Variants in NELL1 observed in about 807,000 individuals in gnomAD.
The protein encoded by NELL1 is protein kinase C-binding protein NELL1.
In NELL1, 76 loss-of-function variants were observed where a neutral mutation model predicts 107.4. The ratio of observed to expected loss-of-function variants is 0.71; its 90% CI spans 0.59 to 0.86. The LOEUF (loss-of-function observed/expected upper bound fraction) is 0.86. NELL1 is among the 40% of genes least tolerant of loss of function. NELL1 has a pLI of 0.00. For missense variants in NELL1, 1,024 were observed against 1,005.5 expected (o/e 1.02, Z -0.25); for synonymous variants, 353 against 341.2 (o/e 1.03, Z -0.38).
At chr11:20,814,376 G>C (rs117204204) in intron 3 of NELL1, among the ~76,000 whole-genome samples, 1 of 152,192 alleles carries the variant, frequency 6.6e-6, no homozygotes, top group Admixed American at 6.5e-5. Flanking sequence ...CTGAGGTTTG[G>C]AGTACAACTG....
chr11:20,779,853 G>A (rs1856820265), intron 2 of NELL1, among the ~76,000 whole-genome samples: 1 of 152,240 alleles, frequency 6.6e-6, no homozygotes, highest in Admixed American at 6.5e-5. Flanking sequence ...ATTTTCAGAT[G>A]TAGAGTGTGA....
intron 3 of NELL1, among the ~76,000 whole-genome samples, chr11:20,844,901 C>A (rs1270939649): frequency 1.3e-5 from 2 of 152,188 alleles, no homozygotes; most frequent in Non-Finnish European, 2.9e-5. Flanking sequence ...AAACATGAGT[C>A]TTCCCTCCAG....
intron 4 of NELL1, among the ~76,000 whole-genome samples, chr11:20,879,842 G>T (rs776077479): frequency 2.0e-5 from 3 of 152,030 alleles, no homozygotes; most frequent in Non-Finnish European, 4.4e-5. Flanking sequence ...TGGCCAAAAA[G>T]AGTTAAAGAA....
chr11:21,021,409 C>T (rs1852698002), intron 12 of NELL1, among the ~76,000 whole-genome samples: 1 of 152,074 alleles, frequency 6.6e-6, no homozygotes, highest in African/African-American at 2.4e-5. Context: ...GATAATTGCT[C>T]ATTCTCTTTC....
chr11:20,863,308 C>T (rs1166290543), intron 4 of NELL1, among the ~76,000 whole-genome samples: 1 of 133,932 alleles, frequency 7.5e-6, no homozygotes, highest in Non-Finnish European at 1.6e-5. Context: ...GGGCAGCTGG[C>T]CAGGCAGGGG....
intron 5 of NELL1, among the ~76,000 whole-genome samples, chr11:20,917,582 T>G (rs1850284135): frequency 1.3e-5 from 2 of 151,900 alleles, no homozygotes; most frequent in Non-Finnish European, 2.9e-5. Context: ...AAAAGTCAAG[T>G]CAATATTTTC....
chr11:21,003,327 A>G (rs1176918108), intron 12 of NELL1, among the ~76,000 whole-genome samples: 1 of 152,180 alleles, frequency 6.6e-6, no homozygotes, highest in Non-Finnish European at 1.5e-5. Context: ...TAATTGGTGA[A>G]CAACTACCTC....
At chr11:20,701,676 C>G (rs1002102520) in intron 2 of NELL1, among the ~76,000 whole-genome samples, 5 of 151,986 alleles carry the variant, frequency 3.3e-5, no homozygotes, top group East Asian at 1.9e-4. Context: ...ATCTTGAATT[C>G]ATTTTTGTAT....
intron 15 of NELL1, among the ~76,000 whole-genome samples, chr11:21,402,456 G>C (rs930748647): frequency 1.3e-5 from 2 of 151,764 alleles, no homozygotes; most frequent in Admixed American, 6.6e-5. Flanking sequence ...ATTTCAGGCA[G>C]TTTCACAAAT....
At chr11:21,469,933 A>G (rs745383044) in intron 15 of NELL1, among the ~76,000 whole-genome samples, 7 of 151,834 alleles carry the variant, frequency 4.6e-5, no homozygotes, top group Non-Finnish European at 1.0e-4. Flanking sequence ...ATTGGGACAC[A>G]CCAAATGCAA....
At chr11:20,857,858 C>G (rs1848911765) in intron 4 of NELL1, among the ~76,000 whole-genome samples, 1 of 152,148 alleles carries the variant, frequency 6.6e-6, no homozygotes, top group African/African-American at 2.4e-5. Flanking sequence ...CAGTTAGGGC[C>G]TATAGCGGTG....
chr11:21,353,248 G>A (rs1850857473), intron 14 of NELL1, among the ~76,000 whole-genome samples: 1 of 152,214 alleles, frequency 6.6e-6, no homozygotes, highest in Non-Finnish European at 1.5e-5. Context: ...TAAGGCTATA[G>A]AACTTGCTAC....
chr11:20,802,087 T>A (rs1018921056), intron 3 of NELL1, among the ~76,000 whole-genome samples: 2 of 152,132 alleles, frequency 1.3e-5, no homozygotes, highest in Non-Finnish European at 2.9e-5. Flanking sequence ...CCATATAAAG[T>A]TTAGGATTTT....
At chr11:21,157,169 G>A (rs986672194) in intron 13 of NELL1, among the ~76,000 whole-genome samples, 5 of 151,664 alleles carry the variant, frequency 3.3e-5, no homozygotes, top group Admixed American at 1.3e-4. Flanking sequence ...ATATGTGTGT[G>A]TGTGTGTGTG....
intron 2 of NELL1, among the ~76,000 whole-genome samples, chr11:20,714,248 G>C (rs1028684048): frequency 1.7e-5 from 2 of 116,876 alleles, no homozygotes; most frequent in Non-Finnish European, 3.3e-5. Flanking sequence ...TTGTCACCCA[G>C]GCTGGAGTTC....
At chr11:20,812,694 T>C (rs1857524950) in intron 3 of NELL1, among the ~76,000 whole-genome samples, 1 of 152,138 alleles carries the variant, frequency 6.6e-6, no homozygotes, top group Admixed American at 6.5e-5. Flanking sequence ...GATTAGGTAC[T>C]CTTCAAATTG....
intron 14 of NELL1, among the ~76,000 whole-genome samples, chr11:21,319,814 A>G (rs1257855991): frequency 6.6e-6 from 1 of 151,892 alleles, no homozygotes; most frequent in African/African-American, 2.4e-5. Context: ...CAGAATTGAT[A>G]TAGGTAATGT....
At position 21,175,581 on chromosome 11, in the gene NELL1, A is replaced by G. The variant is rs556056433; in HGVS notation, c.1427-53751A>G. Among the ~76,000 whole-genome samples, 87 of 151,990 alleles carry G rather than the reference A, an allele frequency of 5.7e-4. 3 individuals are homozygous for G. Among genetic ancestry groups the G allele is most frequent in the African/African-American group, 2.0e-3 (83 of 41,284 alleles). The stretch of plus-strand genomic sequence containing the variant: ...GTGTGACAGTGTTGGGTTTAAATCT[A>G]TGAATTTCTCATCTTTAAGGTACAA... On this transcript the variant is annotated intron_variant, in intron 13 of 19. Transcript: ENST00000357134.
intron 13 of NELL1, among the ~76,000 whole-genome samples, chr11:21,170,709 A>ATG (rs1856588592): frequency 3.2e-5 from 2 of 63,176 alleles, no homozygotes; most frequent in Admixed American, 3.3e-4. Context: ...ACTGTATTAT[A>ATG]TATATATATA....
Sources: allele counts gnomAD v4.1 joint callset (sites outside exome capture counted in the v4.1 genomes callset), GRCh38; gene constraint gnomAD v4.1.1; transcripts MANE v1.5; gene names NCBI Gene and HGNC (gene_info 2026-07-23, HGNC 2026-07-21).